Variants in PCDHA4 observed in about 807,000 individuals in gnomAD.
PCDHA4 encodes the protein protocadherin alpha-4.
A neutral mutation model predicts 61.4 loss-of-function variants in PCDHA4; 49 were observed. The ratio of observed to expected loss-of-function variants is 0.80; its 90% CI spans 0.63 to 1.01. The LOEUF (loss-of-function observed/expected upper bound fraction) is 1.01, where lower values mean the gene tolerates loss of function less well. Among genes scored for constraint, PCDHA4 ranks in the 50% least tolerant of loss-of-function variants. The probability of loss-of-function intolerance (pLI) is 0.00; values close to 1 mark genes in which losing one functional copy is unlikely to be tolerated. For synonymous variants in PCDHA4, 590 were observed against 550.3 expected (o/e 1.07, Z -1.01); for missense variants, 1,254 against 1,235.8 (o/e 1.01, Z -0.22).
intron 1 of PCDHA4, chr5:140,853,122 T>A: frequency 1.9e-6 from 1 of 528,258 alleles, no homozygotes; most frequent in Non-Finnish European, 2.5e-6. Flanking sequence ...CTCATGATCC[T>A]CCCGCCTCAG....
chr5:140,822,338 C>G, intron 1 of PCDHA4: 1 of 1,614,052 alleles, frequency 6.2e-7, no homozygotes, highest in Non-Finnish European at 8.5e-7. Flanking sequence ...GAAGAAGAAA[C>G]GAACTTTTTA....
intron 1 of PCDHA4, chr5:140,823,222 G>C: frequency 6.2e-7 from 1 of 1,613,732 alleles, no homozygotes; most frequent in Non-Finnish European, 8.5e-7. Flanking sequence ...GGACGCGGAC[G>C]CGCAGGAGAA....
chr5:140,938,293 C>G (rs896897734), intron 1 of PCDHA4, among the ~76,000 whole-genome samples: 1 of 152,110 alleles, frequency 6.6e-6, no homozygotes, highest in African/African-American at 2.4e-5. Flanking sequence ...CTGTCATTGC[C>G]TATGAAATTC....
intron 1 of PCDHA4, chr5:140,884,152 T>A: frequency 6.2e-7 from 1 of 1,613,450 alleles, no homozygotes; most frequent in Non-Finnish European, 8.5e-7. Context: ...GGCTGTACAC[T>A]GGCGAGATCA....
Position 140,824,357 on chromosome 5 carries a change from A to G in PCDHA4, c.2385+14785A>G, listed in dbSNP as rs1348409410. On this transcript the variant is annotated intron_variant, in intron 1 of 3. Coordinates refer to ENST00000530339, the MANE Select transcript of PCDHA4 (RefSeq NM_018907.4). ...AAGTGTTTTTAAAATAATATTTTAT[A>G]TTAGCATTTGAATTTTGCATCTCTA... 8 of 580,340 alleles carry G rather than the reference A, an allele frequency of 1.4e-5. No homozygotes were observed. The East Asian group carries it at 2.1e-4, about 15-fold the overall frequency. The allele number at this position is 580,340 out of a possible 1,614,324, so 35.9% of individuals were successfully genotyped here.
At chr5:140,857,489 G>A (rs1168742927) in intron 1 of PCDHA4, 3 of 1,598,334 alleles carry the variant, frequency 1.9e-6, no homozygotes, top group African/African-American at 1.3e-5. Context: ...TGCGTGGGAC[G>A]CGGACGCGCA....
At chr5:140,860,689 G>A (rs1478164991) in intron 1 of PCDHA4, 3 of 152,174 alleles carry the variant, frequency 2.0e-5, no homozygotes, top group African/African-American at 7.2e-5. Flanking sequence ...TGTTTTGAGC[G>A]ACAGGATATT....
chr5:140,972,957 C>T (rs369707081), intron 1 of PCDHA4, among the ~76,000 whole-genome samples: 1 of 152,054 alleles, frequency 6.6e-6, no homozygotes, highest in East Asian at 1.9e-4. Context: ...CCACCATGCC[C>T]GGCAAAGGAA....
intron 1 of PCDHA4, among the ~76,000 whole-genome samples, chr5:140,959,621 A>G (rs1198133284): frequency 6.6e-6 from 1 of 152,152 alleles, no homozygotes; most frequent in African/African-American, 2.4e-5. Flanking sequence ...CTTGTGATAG[A>G]AAAAAAGAGA....
rs75040653 is a variant in PCDHA4 at position 140,982,339 on chromosome 5, T to G, written c.2445-136T>G. ...TGCAGGGTGACTGCTCAGCAGTAAT[T>G]GCTTCAGTTCAAGCATGAGCAGAAT... On this transcript the variant is annotated intron_variant, in intron 2 of 3. Transcript: ENST00000530339. The G allele has an allele frequency of 3.1e-3, 4,547 of 1,456,350 alleles. 58 individuals carry two copies. The East Asian group carries it at 0.042, about 14-fold the overall frequency. The allele number at this position is 1,456,350 out of a possible 1,614,324, so 90.2% of individuals were successfully genotyped here.
intron 3 of PCDHA4, 56 bp downstream of exon 3, chr5:140,982,619 C>G (rs561557496): frequency 7.5e-6 from 12 of 1,589,654 alleles, no homozygotes; most frequent in Middle Eastern, 3.4e-4. Context: ...GATCAGATGA[C>G]CTACTTTTGT....
In PCDHA4 at chr5:140,808,859, G is replaced by A. The variant is rs267600385; in HGVS notation, c.1672G>A (p.Glu558Lys). 6.2e-7 allele frequency: 1 copy of A among 1,613,150 alleles called. No individual in the cohort carries two copies. The highest frequency in any genetic ancestry group is 2.2e-5 in the East Asian group (1 of 44,880). Residue 558 changes from glutamate (E) to lysine (K), a missense_variant, in exon 1 of 4, where the codon GAA becomes AAA. Coordinates refer to ENST00000530339, the MANE Select transcript of PCDHA4 (RefSeq NM_018907.4). ...GACGCTGCAGGTGTTCGTGCTGGAC[G>A]AAAACGACAACGCGCCAGCACTGCT... ...NVTLQVFVLD[E>K]NDNAPALLAP... is the part of the protein sequence containing the mutation.
intron 1 of PCDHA4, among the ~76,000 whole-genome samples, chr5:140,900,589 C>T (rs782244593): frequency 1.5e-4 from 23 of 152,164 alleles, no homozygotes; most frequent in South Asian, 1.2e-3. Flanking sequence ...TTTCTTTACC[C>T]GTTCATCTGA....
chr5:140,857,745 C>T lies in PCDHA4; in HGVS notation c.2385+48173C>T. On this transcript the variant is annotated intron_variant, in intron 1 of 3. Coordinates refer to ENST00000530339, the MANE Select transcript of PCDHA4 (RefSeq NM_018907.4). Reference sequence around the variant, plus strand: ...AACGACAACGCTCCCGCGCTGCTGGCGTCTCCCGCTGGCAGCGCGGGCGGT... The same window carrying T: ...AACGACAACGCTCCCGCGCTGCTGGTGTCTCCCGCTGGCAGCGCGGGCGGT... 5.0e-6 allele frequency: 8 copies of T among 1,597,310 alleles called. 1 individual carries two copies. Among genetic ancestry groups the T allele is most frequent in the South Asian group, 1.1e-5 (1 of 90,480 alleles).
intron 1 of PCDHA4, among the ~76,000 whole-genome samples, chr5:140,912,600 T>C (rs2075993093): frequency 6.6e-6 from 1 of 152,156 alleles, no homozygotes; most frequent in African/African-American, 2.4e-5. Context: ...CTTTATTTCT[T>C]CCTCTTGTCT....
intron 1 of PCDHA4, chr5:140,858,086 C>T (rs1554151138): frequency 6.3e-7 from 1 of 1,597,802 alleles, no homozygotes; most frequent in Admixed American, 1.7e-5. Flanking sequence ...GGCCTCGTCG[C>T]GGGCTTCAGT....
intron 1 of PCDHA4, among the ~76,000 whole-genome samples, chr5:140,941,995 T>C (rs1243854944): frequency 6.6e-6 from 1 of 152,234 alleles, no homozygotes; most frequent in Non-Finnish European, 1.5e-5. Context: ...AAGGGATTCA[T>C]ATCTCTTATT....
intron 1 of PCDHA4, among the ~76,000 whole-genome samples, chr5:140,921,243 G>A (rs2080116903): frequency 6.6e-6 from 1 of 151,726 alleles, no homozygotes; most frequent in Non-Finnish European, 1.5e-5. Flanking sequence ...TTAAGCCACA[G>A]ATCAAAAAGT....
intron 1 of PCDHA4, chr5:140,829,900 C>T (rs2150177291): frequency 1.9e-6 from 3 of 1,613,996 alleles, no homozygotes; most frequent in Admixed American, 3.3e-5. Flanking sequence ...ACTCAGGCTA[C>T]AACGCGTGGC....
Sources: gnomAD v4.1 joint callset for allele counts (sites outside exome capture counted in the v4.1 genomes callset) on GRCh38, gnomAD v4.1.1 for gene constraint, MANE v1.5 for transcripts, NCBI Gene and HGNC (gene_info 2026-07-23, HGNC 2026-07-21) for gene names.